Variants in VPS16 observed in about 807,000 individuals in gnomAD.
The protein encoded by VPS16 is vacuolar protein sorting-associated protein 16 homolog.
In VPS16, 82 loss-of-function variants were observed where a neutral mutation model predicts 116.0. The ratio of observed to expected loss-of-function variants is 0.71; its 90% confidence interval spans 0.59 to 0.85. The LOEUF is 0.85. VPS16 is among the 40% of genes least tolerant of loss of function. The pLI, the probability that VPS16 is intolerant of heterozygous loss-of-function variation, is 0.00. For synonymous variants in VPS16, 406 were observed against 420.7 expected, an observed-to-expected ratio of 0.96 and a Z score of 0.43; for missense variants, 928 against 1,090.6, an observed-to-expected ratio of 0.85 and a Z score of 2.10.
chr20:2,851,295 C>A (rs910990218), intron 1 of VPS16, among the ~76,000 whole-genome samples: 6 of 152,084 alleles, frequency 3.9e-5, no homozygotes, highest in African/African-American at 1.4e-4. Flanking sequence ...AGGCAGGAGG[C>A]CTGCAACACA....
chr20:2,864,632 G>A lies in VPS16; in HGVS notation c.1904G>A (p.Arg635Gln), dbSNP rs755518223. 1.2e-6 allele frequency: 2 copies of A among 1,614,094 alleles called. No homozygotes were observed. The highest frequency in any genetic ancestry group is 1.6e-4 in the Middle Eastern group (1 of 6,062). Residue 635 changes from arginine (R) to glutamine (Q), a missense_variant, in exon 19 of 24, where the codon CGA (arginine) becomes CAA (glutamine). Physicochemically the swap from Arg to Gln is conservative, Grantham distance 43. Coordinates refer to ENST00000380445, the MANE Select transcript of VPS16 (RefSeq NM_022575.4). The surrounding 1 kb of genome is among the most constrained non-coding windows in gnomAD (Gnocchi z 5.2). ...NHQELGSFHI[R>Q]ASYAAEERIE... ...CAGGAATTGGGCAGCTTCCACATCC[G>A]AGCCAGCTATGCTGCAGAAGAGGTC...
At chr20:2,858,759 C>A (rs1250431574) in intron 1 of VPS16, among the ~76,000 whole-genome samples, 2 of 152,086 alleles carry the variant, frequency 1.3e-5, no homozygotes, top group African/African-American at 4.8e-5. Context: ...ACTCAGTGAT[C>A]CATGAGCATT....
chr20:2,858,999 C>G (rs1289455157), intron 1 of VPS16, among the ~76,000 whole-genome samples: 2 of 152,144 alleles, frequency 1.3e-5, no homozygotes, highest in Non-Finnish European at 2.9e-5. Context: ...CACCCTGATT[C>G]ATTAAGAACC....
In VPS16 at chr20:2,861,981, C is replaced by T. The variant is rs192924001; in HGVS notation, c.995-73C>T. ...GCTGCCCTGGGCCAGTGCCACAGAG[C>T]AGGAATAGGGTGTTGAGGCAGGGCT... is the stretch of plus-strand genomic sequence containing the variant. On this transcript the variant is annotated intron_variant, in intron 10 of 23. Coordinates refer to ENST00000380445, the MANE Select transcript of VPS16 (RefSeq NM_022575.4). 543 of 1,605,316 alleles carry T rather than the reference C, an allele frequency of 3.4e-4. 2 individuals carry two copies. In the African/African-American group the frequency reaches 6.5e-3, roughly 19 times the overall value.
chr20:2,861,624 T>G lies in VPS16; in HGVS notation c.819T>G (p.Arg273=). The G allele has an allele frequency of 6.2e-7, 1 of 1,611,200 alleles. No homozygotes were observed. The stretch of plus-strand genomic sequence containing the variant: ...TATATGCTGCTCACAGGTGCAGCCG[T>G]CCTCGTAGCAAGGAGAGGGCCGTGG... ...APPKQMVWCS[R]PRSKERAVVV... Residue 273 remains arginine, a synonymous_variant, in exon 9 of 24, where the codon CGT becomes CGG. Coordinates refer to ENST00000380445, the MANE Select transcript of VPS16 (RefSeq NM_022575.4).
chr20:2,862,381 C>T (rs1402614938), intron 11 of VPS16, 198 bp from the exon 12 acceptor site: 3 of 1,230,036 alleles, frequency 2.4e-6, no homozygotes, highest in East Asian at 2.6e-5. Flanking sequence ...TCAAGGCCCC[C>T]CTAAAGGCAG....
chr20:2,862,388 G>A, intron 11 of VPS16, 191 bp from the exon 12 acceptor site: 1 of 1,253,374 alleles, frequency 8.0e-7, no homozygotes, highest in Non-Finnish European at 1.1e-6. Context: ...CCCCCTAAAG[G>A]CAGCTGTGGG....
intron 1 of VPS16, among the ~76,000 whole-genome samples, chr20:2,855,860 A>AGG (rs1329962532): frequency 2.0e-5 from 3 of 152,260 alleles, no homozygotes; most frequent in Non-Finnish European, 4.4e-5. Flanking sequence ...CTTTGGCCTA[A>AGG]GGGAATGTTG....
At position 2,862,663 on chromosome 20, in the gene VPS16, G is replaced by A; in HGVS notation, c.1156G>A (p.Ala386Thr). ...CCAGGCCGTGCAGCAGTGCATTGAG[G>A]CTGCAGGACATGAGCACCAGCCAGA... is the stretch of plus-strand genomic sequence containing the variant. ...LTQAVQQCIEAAGHEHQPDMQ... is the reference protein window; with the variant it reads ...LTQAVQQCIETAGHEHQPDMQ... The change falls in exon 12 of 24, where the codon GCT becomes ACT. Residue 386 changes from alanine (A) to threonine (T), a missense_variant. Physicochemically the swap from Ala to Thr is moderately conservative, Grantham distance 58. Coordinates refer to ENST00000380445, the MANE Select transcript of VPS16 (RefSeq NM_022575.4). 1 of 1,612,894 alleles carries A rather than the reference G, an allele frequency of 6.2e-7. No homozygotes were observed. The highest frequency in any genetic ancestry group is 8.5e-7 in the Non-Finnish European group (1 of 1,179,932).
chr20:2,859,976 G>C (rs535393454), intron 2 of VPS16, 78 bp from the exon 3 acceptor site: 3 of 1,582,384 alleles, frequency 1.9e-6, no homozygotes, highest in East Asian at 4.5e-5. Flanking sequence ...GGTGGGCCTG[G>C]GGAGCCAGGA....
intron 1 of VPS16, among the ~76,000 whole-genome samples, chr20:2,856,980 CTTTTTTT>C (rs3053469): frequency 1.4e-5 from 2 of 142,098 alleles, no homozygotes; most frequent in African/African-American, 2.6e-5. Flanking sequence ...TTTTCTTTTT[CTTTTTTT>C]TTTTTTTTGA....
intron 1 of VPS16, among the ~76,000 whole-genome samples, chr20:2,854,822 G>A (rs1460286491): frequency 6.6e-6 from 1 of 151,070 alleles, no homozygotes; most frequent in African/African-American, 2.4e-5. Context: ...GAAAGAAAAA[G>A]AAAATTGAAA....
chr20:2,861,850 G>A lies in VPS16; in HGVS notation c.945G>A (p.Gly315=), dbSNP rs1180563744. 3 of 1,613,922 alleles carry A rather than the reference G, an allele frequency of 1.9e-6. No individual in the cohort carries two copies. The highest frequency in any genetic ancestry group is 2.5e-6 in the Non-Finnish European group (3 of 1,179,964). The change falls in exon 10 of 24, where the codon GGG becomes GGA. Residue 315 remains glycine, a synonymous_variant. Transcript: ENST00000380445. ...CCTACCTGGTGCCTGAGCTCGATGG[G>A]GTCCGCATCTTCTCCCGCAGCACCC... is the stretch of plus-strand genomic sequence containing the variant. ...EDSYLVPELD[G]VRIFSRSTHE... is the part of the protein sequence containing the mutation.
At chr20:2,855,763 C>T (rs1202877071) in intron 1 of VPS16, among the ~76,000 whole-genome samples, 4 of 152,184 alleles carry the variant, frequency 2.6e-5, no homozygotes, top group Non-Finnish European at 5.9e-5. Flanking sequence ...CATGAACAAA[C>T]CTCTGCTAAT....
intron 8 of VPS16, 138 bp downstream of exon 8, chr20:2,861,418 T>C (rs2089226347): frequency 1.4e-6 from 2 of 1,444,524 alleles, no homozygotes; most frequent in Non-Finnish European, 1.9e-6. Context: ...ATTGCACACT[T>C]GAAGGAAACC....
intron 1 of VPS16, among the ~76,000 whole-genome samples, chr20:2,852,902 G>A (rs1462690310): frequency 1.3e-5 from 2 of 152,322 alleles, no homozygotes; most frequent in East Asian, 3.9e-4. Context: ...TGCCACAACA[G>A]TGGGCTCTTC....
intron 1 of VPS16, among the ~76,000 whole-genome samples, chr20:2,851,055 A>G (rs1451112909): frequency 6.6e-6 from 1 of 152,128 alleles, no homozygotes; most frequent in Admixed American, 6.5e-5. Context: ...AGGAATGACA[A>G]ACTTGGAAGA....
chr20:2,862,365 G>T, intron 11 of VPS16: 1 of 1,094,942 alleles, frequency 9.1e-7, no homozygotes, highest in Middle Eastern at 3.1e-4. Context: ...CTATTGGGAG[G>T]AGTTCTCAAG....
chr20:2,848,536 A>C (rs1002769125), intron 1 of VPS16, among the ~76,000 whole-genome samples: 2 of 152,224 alleles, frequency 1.3e-5, no homozygotes, highest in Non-Finnish European at 1.5e-5. Context: ...TTAAAAGCCT[A>C]GGCTGCATCT....
Sources: gnomAD v4.1 joint callset for allele counts (sites outside exome capture counted in the v4.1 genomes callset) on GRCh38, gnomAD v4.1.1 for gene constraint, Gnocchi (gnomAD v3.1) non-coding constraint, MANE v1.5 for transcripts, NCBI Gene and HGNC (gene_info 2026-07-23, HGNC 2026-07-21) for gene names.